Variants in CDKAL1 observed in about 807,000 individuals in gnomAD.
CDKAL1 encodes the protein threonylcarbamoyladenosine tRNA methylthiotransferase.
CDKAL1 carries 32 observed loss-of-function variants against 68.2 expected under a neutral mutation model. The ratio of observed to expected loss-of-function variants is 0.47; its 90% CI spans 0.35 to 0.63. CDKAL1 has a LOEUF of 0.63. CDKAL1 is among the 30% of genes least tolerant of loss of function. The pLI, the probability that CDKAL1 is intolerant of heterozygous loss-of-function variation, is 0.00. For synonymous variants in CDKAL1, 234 were observed against 244.3 expected (o/e 0.96, Z 0.39); for missense variants, 606 against 696.7 (o/e 0.87, Z 1.47).
chr6:20,946,696 C>T (rs182074550), intron 9 of CDKAL1, among the ~76,000 whole-genome samples: 109 of 148,732 alleles, frequency 7.3e-4, no homozygotes, highest in African/African-American at 2.5e-3. Flanking sequence ...CTCCCGGGTT[C>T]AAGTGATTCT....
intron 10 of CDKAL1, among the ~76,000 whole-genome samples, chr6:20,958,331 C>T (rs1266783294): frequency 6.6e-6 from 1 of 152,198 alleles, no homozygotes; most frequent in Non-Finnish European, 1.5e-5. Flanking sequence ...TGTTTCTTCT[C>T]ATCCTCCTCT....
At chr6:20,951,634 C>T (rs1480423788) in intron 9 of CDKAL1, among the ~76,000 whole-genome samples, 1 of 152,132 alleles carries the variant, frequency 6.6e-6, no homozygotes, top group African/African-American at 2.4e-5. Flanking sequence ...GCATTTCATT[C>T]TTCCTAGTAT....
chr6:20,714,719 A>G (rs561847230), intron 5 of CDKAL1, among the ~76,000 whole-genome samples: 7 of 152,024 alleles, frequency 4.6e-5, no homozygotes, highest in Non-Finnish European at 7.4e-5. Context: ...TTATTACCCA[A>G]TGTTAACTAA....
intron 13 of CDKAL1, among the ~76,000 whole-genome samples, chr6:21,167,751 G>A (rs1455939676): frequency 1.3e-5 from 2 of 152,164 alleles, no homozygotes; most frequent in East Asian, 1.9e-4. Context: ...TTCTTCACCA[G>A]TGAAATAAAT....
intron 7 of CDKAL1, among the ~76,000 whole-genome samples, chr6:20,775,293 AACTC>A (rs1459677898): frequency 6.6e-6 from 1 of 152,104 alleles, no homozygotes; most frequent in Non-Finnish European, 1.5e-5. Context: ...ATGATATAAA[AACTC>A]ACTCCCTTTT....
chr6:20,792,708 G>T (rs1775948487), intron 8 of CDKAL1, among the ~76,000 whole-genome samples: 1 of 152,086 alleles, frequency 6.6e-6, no homozygotes, highest in Admixed American at 6.5e-5. Flanking sequence ...TTATTCATTG[G>T]TTTGTTTTAT....
chr6:21,124,586 T>C (rs13207766), intron 13 of CDKAL1, among the ~76,000 whole-genome samples: 1 of 151,692 alleles, frequency 6.6e-6, no homozygotes, highest in Non-Finnish European at 1.5e-5. Context: ...CTACTTTTGA[T>C]TGTTCTCATT....
At chr6:20,920,722 G>A (rs1298991804) in intron 9 of CDKAL1, among the ~76,000 whole-genome samples, 1 of 152,128 alleles carries the variant, frequency 6.6e-6, no homozygotes, top group African/African-American at 2.4e-5. Flanking sequence ...GCCCAAGAAA[G>A]CATTTACAAT....
chr6:21,137,885 A>G (rs1262230459), intron 13 of CDKAL1, among the ~76,000 whole-genome samples: 1 of 152,228 alleles, frequency 6.6e-6, no homozygotes, highest in Non-Finnish European at 1.5e-5. Context: ...CATTCCACAA[A>G]CATCCATTGT....
chr6:20,933,045 G>C (rs1763541376), intron 9 of CDKAL1, among the ~76,000 whole-genome samples: 1 of 152,132 alleles, frequency 6.6e-6, no homozygotes, highest in Admixed American at 6.5e-5. Context: ...AACCCTGGTT[G>C]GCAGAATTTC....
At chr6:21,079,578 A>T (rs991074762) in intron 12 of CDKAL1, among the ~76,000 whole-genome samples, 26 of 152,232 alleles carry the variant, frequency 1.7e-4, no homozygotes, top group African/African-American at 5.8e-4. Context: ...TGCCACAGGC[A>T]TTCACTAATT....
chr6:20,830,405 A>G lies in CDKAL1; in HGVS notation c.639-15670A>G, dbSNP rs991051111. On this transcript the variant is annotated intron_variant, in intron 8 of 15. Coordinates refer to ENST00000274695, the MANE Select transcript of CDKAL1 (RefSeq NM_017774.3). The stretch of plus-strand genomic sequence containing the variant: ...GTTGAGAACAGTAACATGAGATACT[A>G]TTCAAGATGATTCACCGTACTCTGT... Among the ~76,000 whole-genome samples, 9 of 152,346 alleles carry G rather than the reference A, an allele frequency of 5.9e-5. No individual in the cohort carries two copies. The East Asian group carries it at 7.7e-4, about 13-fold the overall frequency.
rs575531248 is a variant in CDKAL1 at position 20,715,664 on chromosome 6, A to C, written c.372-23855A>C. Among the ~76,000 whole-genome samples, 10 of 152,328 alleles carry C rather than the reference A, an allele frequency of 6.6e-5. No individual in the cohort carries two copies. The East Asian group carries it at 1.9e-3, about 29-fold the overall frequency. On this transcript the variant is annotated intron_variant, in intron 5 of 15. Coordinates refer to ENST00000274695, the MANE Select transcript of CDKAL1 (RefSeq NM_017774.3). ...TCCATAGTGGTTTGTACCAATCTAC[A>C]TTCCTTCCAACAGTGCACAAGGGTT...
In CDKAL1 at chr6:20,808,425, T is replaced by C. The variant is rs539662975; in HGVS notation, c.638+27160T>C. On this transcript the variant is annotated intron_variant, in intron 8 of 15. Coordinates refer to ENST00000274695, the MANE Select transcript of CDKAL1 (RefSeq NM_017774.3). The stretch of plus-strand genomic sequence containing the variant: ...ATGAAAAATATTTACTATCTGTTTC[T>C]TTAAAGAAAAAAATTTGCCATCTTT... Among the ~76,000 whole-genome samples the C allele has an allele frequency of 2.0e-5, 3 of 152,278 alleles. No homozygotes were observed. The South Asian group carries it at 6.2e-4, about 32-fold the overall frequency.
intron 7 of CDKAL1, among the ~76,000 whole-genome samples, chr6:20,775,102 C>T (rs1775115337): frequency 6.6e-6 from 1 of 151,970 alleles, no homozygotes; most frequent in Non-Finnish European, 1.5e-5. Flanking sequence ...ACATATATGC[C>T]AGTCTTCCTT....
intron 3 of CDKAL1, 135 bp from the exon 4 acceptor site, chr6:20,548,458 G>A: frequency 1.6e-6 from 1 of 633,696 alleles, no homozygotes; most frequent in Non-Finnish European, 2.8e-6. Flanking sequence ...CCTTAGGCCT[G>A]GGAGGTTGAG....
At chr6:20,894,598 A>G (rs1231168235) in intron 9 of CDKAL1, among the ~76,000 whole-genome samples, 1 of 152,196 alleles carries the variant, frequency 6.6e-6, no homozygotes, top group Non-Finnish European at 1.5e-5. Flanking sequence ...AAGTTTGAAG[A>G]AGGTCTTTCA....
intron 9 of CDKAL1, among the ~76,000 whole-genome samples, chr6:20,929,596 G>A (rs566419582): frequency 6.6e-5 from 10 of 152,240 alleles, no homozygotes; most frequent in African/African-American, 2.4e-4. Flanking sequence ...CTTTTTTAAC[G>A]TTCAAAAGTG....
At chr6:21,058,334 T>C (rs1467090096) in intron 11 of CDKAL1, among the ~76,000 whole-genome samples, 1 of 152,204 alleles carries the variant, frequency 6.6e-6, no homozygotes, top group Non-Finnish European at 1.5e-5. Context: ...AGGATTGCAG[T>C]CCTTGCTTTT....
Sources: allele counts gnomAD v4.1 joint callset (sites outside exome capture counted in the v4.1 genomes callset), GRCh38; gene constraint gnomAD v4.1.1; transcripts MANE v1.5; gene names NCBI Gene and HGNC (gene_info 2026-07-23, HGNC 2026-07-21).